Variants in FRMD4B observed in about 807,000 individuals in gnomAD.
FRMD4B encodes FERM domain containing 4B.
FRMD4B carries 74 observed loss-of-function variants against 141.5 expected under a neutral mutation model. That is an observed-to-expected ratio of 0.52 (90% confidence interval 0.43 to 0.63). The LOEUF (loss-of-function observed/expected upper bound fraction) is 0.63. Ranked by LOEUF, FRMD4B falls within the 30% of genes least tolerant of loss-of-function variation. The pLI, the probability that FRMD4B is intolerant of heterozygous loss-of-function variation, is 0.00. For missense variants in FRMD4B, 1,366 were observed against 1,253.4 expected, an observed-to-expected ratio of 1.09 and a Z score of -1.36; for synonymous variants, 506 against 467.9, an observed-to-expected ratio of 1.08 and a Z score of -1.05.
intron 1 of FRMD4B, among the ~76,000 whole-genome samples, chr3:69,504,903 T>C (rs1175530219): frequency 6.6e-6 from 1 of 152,214 alleles, no homozygotes; most frequent in Admixed American, 6.5e-5. Context: ...CACTGCTTCC[T>C]TTCTCATTTG....
At position 69,222,324 on chromosome 3, in the gene FRMD4B, G is replaced by A. The variant is rs148945207; in HGVS notation, c.666-401C>T. On this transcript the variant is annotated intron_variant, in intron 8 of 22. Transcript: ENST00000398540. Reference sequence around the variant, plus strand: ...CTACTAAAAATACAAAAAATTAGCTGAGTGTTGTGGCATGTGCCTGTAGTC... The same window carrying A: ...CTACTAAAAATACAAAAAATTAGCTAAGTGTTGTGGCATGTGCCTGTAGTC... Among the ~76,000 whole-genome samples, 849 of 152,032 alleles carry A rather than the reference G, an allele frequency of 5.6e-3. 8 individuals carry two copies. The highest frequency in any genetic ancestry group is 9.0e-3 in the Non-Finnish European group (613 of 67,964).
chr3:69,410,722 AATAAATAT>A (rs1311544218), intron 2 of FRMD4B, among the ~76,000 whole-genome samples: 88 of 58,408 alleles, frequency 1.5e-3, no homozygotes, highest in Admixed American at 6.2e-3. Flanking sequence ...TAAATAAATA[AATAAATAT>A]ATATATATAT....
intron 5 of FRMD4B, among the ~76,000 whole-genome samples, chr3:69,271,941 C>T (rs1031985070): frequency 6.6e-6 from 1 of 151,952 alleles, no homozygotes; most frequent in Non-Finnish European, 1.5e-5. Flanking sequence ...TGCCACTGCA[C>T]TCCAGCCTGG....
At chr3:69,355,502 T>C (rs1703288386) in intron 1 of FRMD4B, among the ~76,000 whole-genome samples, 1 of 152,166 alleles carries the variant, frequency 6.6e-6, no homozygotes, top group Admixed American at 6.5e-5. Flanking sequence ...CTGAGAGAAC[T>C]AGTGGGACAT....
At chr3:69,324,862 G>A (rs1702126990) in intron 1 of FRMD4B, among the ~76,000 whole-genome samples, 1 of 129,760 alleles carries the variant, frequency 7.7e-6, no homozygotes, top group Non-Finnish European at 1.8e-5. Flanking sequence ...GAAGGCTGAG[G>A]CGGGGGGGGA....
At chr3:69,467,518 A>C (rs974609384) in intron 1 of FRMD4B, among the ~76,000 whole-genome samples, 4 of 152,202 alleles carry the variant, frequency 2.6e-5, no homozygotes, top group Admixed American at 6.5e-5. Context: ...CCCCAAATCA[A>C]GCTTCCCTTG....
At chr3:69,478,935 A>T (rs1575816963) in intron 1 of FRMD4B, among the ~76,000 whole-genome samples, 1 of 149,238 alleles carries the variant, frequency 6.7e-6, no homozygotes, top group South Asian at 2.2e-4. Flanking sequence ...CTTCTTGTTG[A>T]ATTGATCCCT....
At chr3:69,349,172 A>G (rs1162915865) in intron 1 of FRMD4B, among the ~76,000 whole-genome samples, 1 of 152,146 alleles carries the variant, frequency 6.6e-6, no homozygotes, top group African/African-American at 2.4e-5. Flanking sequence ...ATTTTTATAC[A>G]CCAATAACAG....
At chr3:69,485,751 T>C (rs1385742686) in intron 1 of FRMD4B, among the ~76,000 whole-genome samples, 3 of 152,180 alleles carry the variant, frequency 2.0e-5, no homozygotes, top group African/African-American at 4.8e-5. Flanking sequence ...CCCTGGTGCT[T>C]GGGGTGACCC....
intron 2 of FRMD4B, among the ~76,000 whole-genome samples, chr3:69,402,249 G>C (rs906116409): frequency 2.0e-5 from 3 of 152,150 alleles, no homozygotes; most frequent in Admixed American, 1.3e-4. Context: ...TCTACTGAGG[G>C]GGCTTCTGGG....
At chr3:69,335,677 A>G (rs1031606472) in intron 1 of FRMD4B, among the ~76,000 whole-genome samples, 4 of 150,090 alleles carry the variant, frequency 2.7e-5, no homozygotes, top group Non-Finnish European at 4.4e-5. Context: ...CTCCTCCCCC[A>G]TGAAATGTTA....
chr3:69,405,623 G>C (rs965282724), intron 2 of FRMD4B, among the ~76,000 whole-genome samples: 1 of 152,208 alleles, frequency 6.6e-6, no homozygotes. Context: ...TTCTCTACAA[G>C]GGCTCTTACC....
chr3:69,177,532 C>T (rs1453411825), intron 21 of FRMD4B, among the ~76,000 whole-genome samples: 1 of 152,072 alleles, frequency 6.6e-6, no homozygotes, highest in Non-Finnish European at 1.5e-5. Flanking sequence ...CACCTGTAGT[C>T]CCAGCAACTT....
At chr3:69,273,984 A>C (rs1005073918) in intron 5 of FRMD4B, among the ~76,000 whole-genome samples, 1 of 152,120 alleles carries the variant, frequency 6.6e-6, no homozygotes, top group Non-Finnish European at 1.5e-5. Flanking sequence ...GGATGAGTGG[A>C]AATTTGCCAA....
At chr3:69,466,185 T>A (rs1203678393) in intron 1 of FRMD4B, among the ~76,000 whole-genome samples, 1 of 152,226 alleles carries the variant, frequency 6.6e-6, no homozygotes, top group East Asian at 1.9e-4. Context: ...TACATAAACG[T>A]CTTCTTTTGA....
chr3:69,488,054 A>C (rs1706245487), intron 1 of FRMD4B, among the ~76,000 whole-genome samples: 1 of 152,096 alleles, frequency 6.6e-6, no homozygotes, highest in Admixed American at 6.5e-5. Flanking sequence ...GAAAGAAAGA[A>C]AGAACAAAAG....
intron 5 of FRMD4B, among the ~76,000 whole-genome samples, chr3:69,278,326 T>A (rs1575685150): frequency 6.6e-6 from 1 of 152,216 alleles, no homozygotes; most frequent in South Asian, 2.1e-4. Context: ...TAGAGGCAGG[T>A]CTCGCTCTGT....
intron 1 of FRMD4B, among the ~76,000 whole-genome samples, chr3:69,360,585 T>A (rs1703444893): frequency 6.6e-6 from 1 of 152,158 alleles, no homozygotes; most frequent in Admixed American, 6.6e-5. Flanking sequence ...TCTCTTTTTC[T>A]CTCCTCTCTC....
chr3:69,461,041 G>T lies in FRMD4B; in HGVS notation c.-128-28280C>A, dbSNP rs58982262. On this transcript the variant is annotated intron_variant, in intron 1 of 5. Transcript: ENST00000459638. ...TAGCATTCTACATCTGAAGTTTTTG[G>T]TCTCTCAAAATTCAATTTGCTACTC... Among the ~76,000 whole-genome samples, 1,349 of 152,224 alleles carry T rather than the reference G, an allele frequency of 8.9e-3. 20 individuals carry two copies. Among genetic ancestry groups the T allele is most frequent in the African/African-American group, 0.031 (1,280 of 41,532 alleles).
Sources: gnomAD v4.1 joint callset for allele counts (sites outside exome capture counted in the v4.1 genomes callset) on GRCh38, gnomAD v4.1.1 for gene constraint, MANE v1.5 for transcripts, NCBI Gene and HGNC (gene_info 2026-07-23, HGNC 2026-07-21) for gene names.